The following MLEC variants were observed in gnomAD, a reference collection of about 807,000 sequenced individuals.
The protein encoded by MLEC is oligosaccharyltransferase complex subunit (non-catalytic).
A neutral mutation model predicts 28.7 loss-of-function variants in MLEC; 7 were observed. The ratio of observed to expected loss-of-function variants is 0.24; its 90% confidence interval spans 0.14 to 0.46. The LOEUF (loss-of-function observed/expected upper bound fraction) is 0.46. Ranked by LOEUF, MLEC falls within the 20% of genes least tolerant of loss-of-function variation. MLEC has a pLI of 0.99. For missense variants in MLEC, 237 were observed against 391.1 expected (o/e 0.61, Z 3.32); for synonymous variants, 142 against 164.4 (o/e 0.86, Z 1.04).
chr12:120,696,279 G>A lies in MLEC; in HGVS notation c.650-37G>A, dbSNP rs757936098. 6.2e-7 allele frequency: 1 copy of A among 1,609,166 alleles called. No individual in the cohort carries two copies. Among genetic ancestry groups the A allele is most frequent in the Non-Finnish European group, 8.5e-7 (1 of 1,177,592 alleles). The stretch of plus-strand genomic sequence containing the variant: ...TTTTAAGGGTCTCTCTTACTTAAAT[G>A]CTGTGGGTCTTAACAGTGTTTTCTT... On this transcript the variant is annotated intron_variant, in intron 4 of 4. Coordinates refer to ENST00000228506, the MANE Select transcript of MLEC (RefSeq NM_014730.4). This position sits in a 1 kb window ranked among gnomAD's most constrained non-coding sequence, Gnocchi z 5.4.
intron 1 of MLEC, among the ~76,000 whole-genome samples, chr12:120,691,427 C>T (rs1037156735): frequency 3.9e-5 from 6 of 152,232 alleles, no homozygotes; most frequent in African/African-American, 1.4e-4. Flanking sequence ...TCGTGTATGT[C>T]TTTTCCTGAA....
In MLEC at chr12:120,700,305, A is replaced by G. The variant is rs1202971646; in HGVS notation, c.*3760A>G. ...TCCCTTCCCTCCCCTTTGCTGGCCT[A>G]CTCTGGCATAATTCAAGTGTCTTCT... On this transcript the variant is annotated 3_prime_UTR_variant, in exon 5 of 5. Coordinates refer to ENST00000228506, the MANE Select transcript of MLEC (RefSeq NM_014730.4). This position sits in a 1 kb window ranked among gnomAD's most constrained non-coding sequence, Gnocchi z 4.0. 6.6e-6 allele frequency: 1 copy of G among 152,580 alleles called. No individual in the cohort carries two copies. The highest frequency in any genetic ancestry group is 2.1e-4 in the South Asian group (1 of 4,830). 9.5% of individuals were successfully genotyped at this position (152,580 alleles called of 1,614,324 possible). A position where few individuals can be genotyped will look rare whatever the true frequency, so the allele number is the denominator to read the frequency against.
Position 120,695,015 on chromosome 12 carries a change from C to T in MLEC, c.591+15C>T. Reference sequence around the variant, plus strand: ...AGTTTGTCAAGGTAATTCCCCTATTCTGCCCATTGCTGAAGAGAGTGGGTA... The same window carrying T: ...AGTTTGTCAAGGTAATTCCCCTATTTTGCCCATTGCTGAAGAGAGTGGGTA... On this transcript the variant is annotated intron_variant, in intron 3 of 4. Coordinates refer to ENST00000228506, the MANE Select transcript of MLEC (RefSeq NM_014730.4). 6.2e-7 allele frequency: 1 copy of T among 1,613,436 alleles called. No homozygotes were observed. The highest frequency in any genetic ancestry group is 1.7e-5 in the Admixed American group (1 of 60,004).
At chr12:120,693,430 T>A (rs1451047882) in intron 1 of MLEC, among the ~76,000 whole-genome samples, 1 of 152,138 alleles carries the variant, frequency 6.6e-6, no homozygotes, top group Non-Finnish European at 1.5e-5. Flanking sequence ...AGTAAGTAGG[T>A]GAGGTGGAGT....
In MLEC at chr12:120,687,704, C is replaced by T. The variant is rs547349053; in HGVS notation, c.235+173C>T. On this transcript the variant is annotated intron_variant, in intron 1 of 4. Transcript: ENST00000228506. The surrounding 1 kb of genome is among the most constrained non-coding windows in gnomAD (Gnocchi z 8.1). ...CTGAGCTCAGGGCCTGGCACTGGCT[C>T]CAAGGTACCTAGAGTCATACAGGCA... 5.9e-5 allele frequency among the ~76,000 whole-genome samples: 9 copies of T among 152,300 alleles called. No homozygotes were observed. Among genetic ancestry groups the T allele is most frequent in the African/African-American group, 1.7e-4 (7 of 41,580 alleles).
chr12:120,691,239 G>A (rs763596210), intron 1 of MLEC, among the ~76,000 whole-genome samples: 1 of 152,176 alleles, frequency 6.6e-6, no homozygotes, highest in Non-Finnish European at 1.5e-5. Flanking sequence ...TGCTTATCGT[G>A]TGCATATCCT....
At chr12:120,688,716 AG>A (rs1272524729) in intron 1 of MLEC, among the ~76,000 whole-genome samples, 37 of 147,834 alleles carry the variant, frequency 2.5e-4, no homozygotes, top group African/African-American at 9.3e-4. Flanking sequence ...AGTGTCCTGG[AG>A]TTTGTTATAT....
intron 1 of MLEC, among the ~76,000 whole-genome samples, chr12:120,693,705 T>C (rs1327097105): frequency 6.6e-6 from 1 of 152,244 alleles, no homozygotes; most frequent in Non-Finnish European, 1.5e-5. Context: ...CCCCTTGTTT[T>C]AGGAGGTTTC....
Position 120,694,293 on chromosome 12 carries a change from T to A in MLEC, c.414+24T>A. The stretch of plus-strand genomic sequence containing the variant: ...AGGTGAGGCCTAGTCAGGCTGCTGC[T>A]TGACCAGTAGGACATTGCTGCTCTT... On this transcript the variant is annotated intron_variant, in intron 2 of 4. Coordinates refer to ENST00000228506, the MANE Select transcript of MLEC (RefSeq NM_014730.4). The surrounding 1 kb of genome is among the most constrained non-coding windows in gnomAD (Gnocchi z 4.5). The A allele has an allele frequency of 6.2e-7, 1 of 1,609,868 alleles. No homozygotes were observed. The highest frequency in any genetic ancestry group is 8.5e-7 in the Non-Finnish European group (1 of 1,177,730).
chr12:120,688,718 T>C (rs1010479052), intron 1 of MLEC, among the ~76,000 whole-genome samples: 2 of 147,528 alleles, frequency 1.4e-5, no homozygotes, highest in Non-Finnish European at 2.9e-5. Flanking sequence ...TGTCCTGGAG[T>C]TTGTTATATT....
Position 120,694,027 on chromosome 12 carries a change from G to T in MLEC, c.236-64G>T. ...CCCTGGAAATGCCTCTGGCTGTTCT[G>T]GGGTCTTTGCTTTTCTTTTGTGTCT... On this transcript the variant is annotated intron_variant, in intron 1 of 4. Transcript: ENST00000228506. The surrounding 1 kb of genome is among the most constrained non-coding windows in gnomAD (Gnocchi z 4.5). 6.7e-7 allele frequency: 1 copy of T among 1,487,058 alleles called. No individual in the cohort carries two copies. The highest frequency in any genetic ancestry group is 2.3e-5 in the East Asian group (1 of 42,746). The allele number at this position is 1,487,058 out of a possible 1,614,324, so 92.1% of individuals were successfully genotyped here. A position where few individuals can be genotyped will look rare whatever the true frequency, so the allele number is the denominator to read the frequency against.
At chr12:120,692,521 G>A (rs573132081) in intron 1 of MLEC, among the ~76,000 whole-genome samples, 8 of 152,160 alleles carry the variant, frequency 5.3e-5, no homozygotes, top group South Asian at 2.1e-4. Context: ...CTCTGATCTC[G>A]TGGCTAATGT....
chr12:120,687,607 C>T lies in MLEC; in HGVS notation c.235+76C>T, dbSNP rs1203052237. On this transcript the variant is annotated intron_variant, in intron 1 of 4. Transcript: ENST00000228506. This position sits in a 1 kb window ranked among gnomAD's most constrained non-coding sequence, Gnocchi z 8.1. ...GCAGCCGGCCGGGGGCTGCGGGCCC[C>T]GAGCCCCTTTCGACCCTGGGGCCGC... is the stretch of plus-strand genomic sequence containing the variant. The T allele has an allele frequency of 1.1e-5, 13 of 1,228,118 alleles. No individual in the cohort carries two copies. Among genetic ancestry groups the T allele is most frequent in the Non-Finnish European group, 1.4e-5 (13 of 922,484 alleles). The allele number at this position is 1,228,118 out of a possible 1,614,324, so 76.1% of individuals were successfully genotyped here.
intron 1 of MLEC, among the ~76,000 whole-genome samples, chr12:120,691,834 C>T (rs1044001706): frequency 6.6e-6 from 1 of 151,996 alleles, no homozygotes; most frequent in African/African-American, 2.4e-5. Context: ...ACGTTACTGT[C>T]AGTTCCTCAC....
rs11065214 is a variant in MLEC, at chr12:120,690,312, T to A, written c.235+2781T>A. ...AGGCATGAACCATCACGCCTGACCATGTTCCAGATTTGTAACTTGGTCATT... is the reference window on the plus strand; with the variant it reads ...AGGCATGAACCATCACGCCTGACCAAGTTCCAGATTTGTAACTTGGTCATT... On this transcript the variant is annotated intron_variant, in intron 1 of 4. Coordinates refer to ENST00000228506, the MANE Select transcript of MLEC (RefSeq NM_014730.4). 0.019 allele frequency among the ~76,000 whole-genome samples: 2,856 copies of A among 152,278 alleles called. 242 individuals carry two copies. The East Asian group carries it at 0.27, about 15-fold the overall frequency.
chr12:120,696,194 G>A lies in MLEC; in HGVS notation c.650-122G>A. Reference sequence around the variant, plus strand: ...CCAGAGGCTATTTCTGCTACTTCTGGTCTTTTCTCTGGACCCGGGTTCAAT... The same window carrying A: ...CCAGAGGCTATTTCTGCTACTTCTGATCTTTTCTCTGGACCCGGGTTCAAT... On this transcript the variant is annotated intron_variant, in intron 4 of 4. Transcript: ENST00000228506. This position sits in a 1 kb window ranked among gnomAD's most constrained non-coding sequence, Gnocchi z 5.4. 1 of 1,252,202 alleles carries A rather than the reference G, an allele frequency of 8.0e-7. No homozygotes were observed. The highest frequency in any genetic ancestry group is 1.1e-6 in the Non-Finnish European group (1 of 895,604). 77.6% of individuals were successfully genotyped at this position (1,252,202 alleles called of 1,614,324 possible).
At position 120,687,277 on chromosome 12, in the gene MLEC, C is replaced by T. The variant is rs1039165529; in HGVS notation, c.-20C>T. 2 of 1,367,336 alleles carry T rather than the reference C, an allele frequency of 1.5e-6. No homozygotes were observed. The highest frequency in any genetic ancestry group is 1.8e-5 in the South Asian group (1 of 54,728). The allele number at this position is 1,367,336 out of a possible 1,614,324, so 84.7% of individuals were successfully genotyped here. ...CGAGGACGAGGGTCGGCGGGGGCTG[C>T]CCCCGTGGTGGTGGCCGCCATGCTG... On this transcript the variant is annotated 5_prime_UTR_variant, in exon 1 of 5. Transcript: ENST00000228506. This position sits in a 1 kb window ranked among gnomAD's most constrained non-coding sequence, Gnocchi z 8.1.
intron 1 of MLEC, among the ~76,000 whole-genome samples, chr12:120,689,204 GGTGTGTGT>G (rs63092860): frequency 4.0e-5 from 6 of 148,978 alleles, no homozygotes; most frequent in Admixed American, 6.7e-5. Context: ...TGATGCAGGT[GGTGTGTGT>G]GTGTGTGTGT....
Position 120,694,137 on chromosome 12 carries a change from G to T in MLEC, c.282G>T (p.Glu94Asp), listed in dbSNP as rs768360799. The T allele has an allele frequency of 6.2e-7, 1 of 1,614,158 alleles. No individual in the cohort carries two copies. Among genetic ancestry groups the T allele is most frequent in the Middle Eastern group, 1.6e-4 (1 of 6,062 alleles). The change falls in exon 2 of 5, where the codon GAG (glutamate) becomes GAT (aspartate). Residue 94 changes from glutamate (E) to aspartate (D), a missense_variant. Glu to Asp is a conservative substitution (Grantham distance 45). Transcript: ENST00000228506. This position sits in a 1 kb window ranked among gnomAD's most constrained non-coding sequence, Gnocchi z 4.5. ...TGCCAATCCTGCGTTCCAACCCTGAGGACCAGATCCTGTATCAAACTGAGC... is the reference window on the plus strand; with the variant it reads ...TGCCAATCCTGCGTTCCAACCCTGATGACCAGATCCTGTATCAAACTGAGC... ...MKLPILRSNP[E>D]DQILYQTERY...
Sources: allele counts gnomAD v4.1 joint callset (sites outside exome capture counted in the v4.1 genomes callset), GRCh38; gene constraint gnomAD v4.1.1; non-coding constraint Gnocchi (gnomAD v3.1); transcripts MANE v1.5; gene names NCBI Gene and HGNC (gene_info 2026-07-23, HGNC 2026-07-21).